The following USH2A variants were observed in gnomAD, a reference collection of about 807,000 sequenced individuals.
The protein encoded by USH2A is Usher syndrome 2A (autosomal recessive, mild).
Under a neutral mutation model 538.9 loss-of-function variants are expected in USH2A, and 443 were observed. The ratio of observed to expected loss-of-function variants is 0.82; its 90% CI spans 0.76 to 0.89. The LOEUF (loss-of-function observed/expected upper bound fraction) is 0.89. USH2A is among the 40% of genes least tolerant of loss of function. The pLI is 0.00. For missense variants in USH2A, 6,633 were observed against 6,324.8 expected, an observed-to-expected ratio of 1.05 and a Z score of -1.65; for synonymous variants, 2,413 against 2,273.5, an observed-to-expected ratio of 1.06 and a Z score of -1.75.
intron 61 of USH2A, among the ~76,000 whole-genome samples, chr1:215,717,070 C>T (rs1017180266): frequency 1.3e-5 from 2 of 152,090 alleles, no homozygotes; most frequent in East Asian, 3.9e-4. Flanking sequence ...ATTTCTGAAA[C>T]AGAGACCCAA....
At chr1:215,761,865 A>T (rs1191085992) in intron 56 of USH2A, among the ~76,000 whole-genome samples, 1 of 151,896 alleles carries the variant, frequency 6.6e-6, no homozygotes, top group African/African-American at 2.4e-5. Flanking sequence ...TCTGGAGATT[A>T]AAAAAAACTC....
chr1:215,873,092 C>A (rs1228333788), intron 43 of USH2A, among the ~76,000 whole-genome samples: 1 of 151,564 alleles, frequency 6.6e-6, no homozygotes, highest in Non-Finnish European at 1.5e-5. Context: ...TATGATGACA[C>A]AGAAAAGGAC....
chr1:216,067,169 C>T (rs2031402987), intron 30 of USH2A, among the ~76,000 whole-genome samples: 2 of 152,040 alleles, frequency 1.3e-5, no homozygotes, highest in African/African-American at 4.8e-5. Flanking sequence ...GAACAGAAAA[C>T]CAAACACTGC....
chr1:215,789,498 T>A (rs1295640205), intron 51 of USH2A, among the ~76,000 whole-genome samples: 1 of 152,212 alleles, frequency 6.6e-6, no homozygotes, highest in Non-Finnish European at 1.5e-5. Context: ...CCCACATACA[T>A]GACATGGCTG....
At chr1:216,039,375 A>C (rs2030158915) in intron 32 of USH2A, among the ~76,000 whole-genome samples, 1 of 151,970 alleles carries the variant, frequency 6.6e-6, no homozygotes, top group African/African-American at 2.4e-5. Flanking sequence ...TTAATACTAT[A>C]TGACTGAGAC....
chr1:216,393,774 A>C (rs1289771250), intron 3 of USH2A, among the ~76,000 whole-genome samples: 1 of 152,202 alleles, frequency 6.6e-6, no homozygotes, highest in Non-Finnish European at 1.5e-5. Context: ...AAGTGAATCA[A>C]AGCAAACAGA....
rs2031821070 is a variant in USH2A at position 216,078,240 on chromosome 1, C to T, written c.5421G>A (p.Lys1807=). ...NGKWNKVIIK[K]EGSFISASVN... is the part of the protein sequence containing the mutation. ...CACTTGCTGATATGAAAGAGCCTTC[C>T]TTTTTAATAATGACTTTATTCCACT... The change falls in exon 27 of 72, where the codon AAG becomes AAA. Residue 1807 remains lysine (K), a synonymous_variant. Transcript: ENST00000307340. 6.2e-7 allele frequency: 1 copy of T among 1,613,864 alleles called. No homozygotes were observed. Among genetic ancestry groups the T allele is most frequent in the Non-Finnish European group, 8.5e-7 (1 of 1,179,808 alleles).
intron 22 of USH2A, among the ~76,000 whole-genome samples, chr1:216,095,996 G>T (rs1311922012): frequency 6.6e-6 from 1 of 152,154 alleles, no homozygotes; most frequent in Non-Finnish European, 1.5e-5. Context: ...TGAGAAAATG[G>T]AAAGCTAATA....
At chr1:215,650,570 G>A (rs751274409) in intron 65 of USH2A, 22 bp downstream of exon 65, 9 of 1,613,848 alleles carry the variant, frequency 5.6e-6, no homozygotes, top group Admixed American at 5.0e-5. Flanking sequence ...ACCAGTCCTG[G>A]ATTTTTAGCT....
chr1:215,738,000 G>T (rs1201601120), intron 60 of USH2A, among the ~76,000 whole-genome samples: 1 of 151,958 alleles, frequency 6.6e-6, no homozygotes, highest in East Asian at 1.9e-4. Context: ...AGTGCACATT[G>T]ATCAAATCTT....
intron 32 of USH2A, among the ~76,000 whole-genome samples, chr1:216,043,711 T>C (rs1370676859): frequency 6.6e-6 from 1 of 152,078 alleles, no homozygotes; most frequent in Non-Finnish European, 1.5e-5. Context: ...ATGTGAATTC[T>C]TCCTCCTCTC....
At chr1:216,030,331 A>C (rs1669080830) in intron 32 of USH2A, among the ~76,000 whole-genome samples, 1 of 137,746 alleles carries the variant, frequency 7.3e-6, no homozygotes, top group Non-Finnish European at 1.5e-5. Context: ...TATATAATAT[A>C]TATGATATAT....
At chr1:216,394,674 T>C (rs2039173462) in intron 3 of USH2A, among the ~76,000 whole-genome samples, 1 of 151,682 alleles carries the variant, frequency 6.6e-6, no homozygotes, top group Non-Finnish European at 1.5e-5. Context: ...AATTGTCAAT[T>C]TGTCATATAG....
chr1:215,918,308 C>T (rs1264673148), intron 38 of USH2A, among the ~76,000 whole-genome samples: 9 of 151,956 alleles, frequency 5.9e-5, no homozygotes, highest in African/African-American at 1.2e-4. Context: ...AAATTCTCAC[C>T]GCCAAGGAGA....
Position 215,970,475 on chromosome 1 carries a change from C to G in USH2A, c.6957+150G>C, listed in dbSNP as rs1667465494. 5 of 938,190 alleles carry G rather than the reference C, an allele frequency of 5.3e-6. No homozygotes were observed. The South Asian group carries it at 7.7e-5, about 14-fold the overall frequency. 58.1% of individuals were successfully genotyped at this position (938,190 alleles called of 1,614,324 possible). ...TGTCGAATATAAAATCTTAGTAACT[C>G]TTAAATGAACTTTTATAAAAAGAAA... On this transcript the variant is annotated intron_variant, in intron 36 of 71. Coordinates refer to ENST00000307340, the MANE Select transcript of USH2A (RefSeq NM_206933.4).
chr1:216,394,720 CTT>C (rs780581599), intron 3 of USH2A, among the ~76,000 whole-genome samples: 3 of 120,316 alleles, frequency 2.5e-5, no homozygotes, highest in Non-Finnish European at 5.0e-5. Context: ...CTGGTCCAGT[CTT>C]TTTTTTTTTT....
intron 12 of USH2A, among the ~76,000 whole-genome samples, chr1:216,248,226 C>T (rs1025756634): frequency 5.3e-5 from 8 of 151,770 alleles, no homozygotes; most frequent in Non-Finnish European, 7.4e-5. Context: ...ATACATTTTA[C>T]GAATGAAGAA....
At chr1:215,836,512 A>AT (rs1663516727) in intron 47 of USH2A, among the ~76,000 whole-genome samples, 1 of 30,872 alleles carries the variant, frequency 3.2e-5, no homozygotes. Context: ...TATATTATAT[A>AT]TATATAATAT....
intron 61 of USH2A, among the ~76,000 whole-genome samples, chr1:215,702,548 C>T (rs1282276717): frequency 6.6e-6 from 1 of 151,022 alleles, no homozygotes; most frequent in Admixed American, 6.6e-5. Context: ...AATCTTCTTG[C>T]ACTGGTCCAT....
Sources: allele counts gnomAD v4.1 joint callset (sites outside exome capture counted in the v4.1 genomes callset), GRCh38; gene constraint gnomAD v4.1.1; transcripts MANE v1.5; gene names NCBI Gene and HGNC (gene_info 2026-07-23, HGNC 2026-07-21).